RSRC1: variants seen among roughly 807,000 people sequenced by gnomAD.
RSRC1 encodes the protein arginine and serine rich coiled-coil 1.
RSRC1 carries 39 observed loss-of-function variants against 49.1 expected under a neutral mutation model. The observed-to-expected ratio is 0.79, with a 90% CI of 0.61 to 1.04. The LOEUF is 1.04. RSRC1 is among the 50% of genes least tolerant of loss of function. The pLI is 0.00. For synonymous variants in RSRC1, 143 were observed against 130.8 expected (o/e 1.09, Z -0.63); for missense variants, 388 against 402.4 (o/e 0.96, Z 0.31).
At chr3:158,444,896 T>G (rs985983330) in intron 6 of RSRC1, among the ~76,000 whole-genome samples, 1 of 151,962 alleles carries the variant, frequency 6.6e-6, no homozygotes, top group Admixed American at 6.6e-5. Flanking sequence ...AAAAGACACA[T>G]GAAAAAATGC....
intron 5 of RSRC1, among the ~76,000 whole-genome samples, chr3:158,345,375 A>G (rs1411514328): frequency 6.6e-6 from 1 of 152,204 alleles, no homozygotes; most frequent in Non-Finnish European, 1.5e-5. Context: ...ATCCAACTAC[A>G]TGCTGCTTAC....
chr3:158,225,275 T>C (rs1722466483), intron 4 of RSRC1, among the ~76,000 whole-genome samples: 1 of 151,912 alleles, frequency 6.6e-6, no homozygotes, highest in South Asian at 2.1e-4. Flanking sequence ...CGTAGTTGTC[T>C]AAGTAACTCT....
chr3:158,484,068 A>G (rs889405955), intron 7 of RSRC1, among the ~76,000 whole-genome samples: 3 of 152,096 alleles, frequency 2.0e-5, no homozygotes, highest in African/African-American at 4.8e-5. Context: ...TTGATTTTTC[A>G]TCATGGCAAA....
At chr3:158,419,304 C>CT (rs963106969) in intron 6 of RSRC1, among the ~76,000 whole-genome samples, 1 of 151,938 alleles carries the variant, frequency 6.6e-6, no homozygotes, top group Non-Finnish European at 1.5e-5. Flanking sequence ...CCTCAGGCAT[C>CT]TTTTTTTCTC....
chr3:158,129,835 TTTGA>T (rs756143677), intron 3 of RSRC1, among the ~76,000 whole-genome samples: 6 of 152,234 alleles, frequency 3.9e-5, no homozygotes, highest in East Asian at 3.8e-4. Context: ...TTGCTGGGAC[TTTGA>T]TTGGATGTTT....
chr3:158,542,508 C>G (rs1311267553), intron 8 of RSRC1, among the ~76,000 whole-genome samples: 1 of 152,238 alleles, frequency 6.6e-6, no homozygotes, highest in African/African-American at 2.4e-5. Flanking sequence ...GCACTCCCAC[C>G]TGGGTGACAG....
chr3:158,369,698 A>T (rs1560013777), intron 6 of RSRC1, among the ~76,000 whole-genome samples: 1 of 152,074 alleles, frequency 6.6e-6, no homozygotes, highest in African/African-American at 2.4e-5. Flanking sequence ...TGTAATGTTT[A>T]TTCAGTATTA....
intron 4 of RSRC1, among the ~76,000 whole-genome samples, chr3:158,207,662 T>TAGAC (rs145209495): frequency 2.1e-4 from 32 of 149,026 alleles, no homozygotes; most frequent in East Asian, 4.0e-4. Context: ...GATAGATAGA[T>TAGAC]AGACAGAGAG....
At chr3:158,295,861 C>T (rs939726227) in intron 4 of RSRC1, among the ~76,000 whole-genome samples, 3 of 152,042 alleles carry the variant, frequency 2.0e-5, no homozygotes, top group African/African-American at 7.2e-5. Context: ...AAGTGATTTT[C>T]CCTAAGATTG....
rs1729950934 is a variant in RSRC1, at chr3:158,337,141, GAGA to G, written c.532-17714_532-17712del. Among the ~76,000 whole-genome samples, 2 of 152,216 alleles carry G rather than the reference GAGA, an allele frequency of 1.3e-5. 1 individual carries two copies. Among genetic ancestry groups the G allele is most frequent in the South Asian group, 4.1e-4 (2 of 4,832 alleles). Reference sequence around the variant, plus strand: ...ATGAAGAACAGGTCCTCTGCCATGTGAGAAAGACCTGCAGGAAGTTGTAGGAGT... The same window carrying G: ...ATGAAGAACAGGTCCTCTGCCATGTGAAGACCTGCAGGAAGTTGTAGGAGT... On this transcript the variant is annotated intron_variant, in intron 5 of 9. Coordinates refer to ENST00000611884, the MANE Select transcript of RSRC1 (RefSeq NM_001271838.2).
chr3:158,517,946 T>C (rs1234166979), intron 7 of RSRC1, among the ~76,000 whole-genome samples: 1 of 149,736 alleles, frequency 6.7e-6, no homozygotes, highest in Non-Finnish European at 1.5e-5. Context: ...AATCCCAAAA[T>C]GTTATTAATT....
At chr3:158,343,732 G>A (rs754198053) in intron 5 of RSRC1, among the ~76,000 whole-genome samples, 3 of 152,084 alleles carry the variant, frequency 2.0e-5, no homozygotes, top group Non-Finnish European at 4.4e-5. Context: ...AAATGGATTA[G>A]TGAGCTCGAA....
intron 7 of RSRC1, among the ~76,000 whole-genome samples, chr3:158,468,295 A>C (rs981079247): frequency 2.6e-5 from 4 of 152,196 alleles, no homozygotes; most frequent in African/African-American, 7.2e-5. Flanking sequence ...AAATAACTCA[A>C]GTATTAAAGC....
At chr3:158,186,615 A>G (rs1465655398) in intron 3 of RSRC1, among the ~76,000 whole-genome samples, 3 of 151,976 alleles carry the variant, frequency 2.0e-5, no homozygotes, top group East Asian at 1.9e-4. Context: ...TGAGAAACAG[A>G]TTGGAAAGTA....
At chr3:158,131,291 C>T (rs149190830) in intron 3 of RSRC1, among the ~76,000 whole-genome samples, 1 of 151,886 alleles carries the variant, frequency 6.6e-6, no homozygotes, top group Non-Finnish European at 1.5e-5. Flanking sequence ...GTACCAATCA[C>T]TGCTGGTTTT....
At chr3:158,350,299 T>G (rs1008230722) in intron 5 of RSRC1, among the ~76,000 whole-genome samples, 1 of 151,806 alleles carries the variant, frequency 6.6e-6, no homozygotes, top group African/African-American at 2.4e-5. Flanking sequence ...CACCTCAGTC[T>G]CTCAAGTAGC....
chr3:158,198,810 C>T lies in RSRC1; in HGVS notation c.321-4262C>T, dbSNP rs532096066. Among the ~76,000 whole-genome samples the T allele has an allele frequency of 7.9e-5, 12 of 152,208 alleles. No homozygotes were observed. In the South Asian group the frequency reaches 2.3e-3, roughly 29 times the overall value. On this transcript the variant is annotated intron_variant, in intron 3 of 9. Coordinates refer to ENST00000611884, the MANE Select transcript of RSRC1 (RefSeq NM_001271838.2). The stretch of plus-strand genomic sequence containing the variant: ...CGTATTCGGCCATCTTGGCTCCACC[C>T]CCCGCAAGAAATTTCTTAATATCAC...
chr3:158,539,609 C>T lies in RSRC1; in HGVS notation c.759+2411C>T, dbSNP rs934294663. Reference sequence around the variant, plus strand: ...TAGTACTAATTTTTACAAACTAAACCACCAGGTGGCAGCGCTACTCAAAGC... The same window carrying T: ...TAGTACTAATTTTTACAAACTAAACTACCAGGTGGCAGCGCTACTCAAAGC... On this transcript the variant is annotated intron_variant, in intron 8 of 9. Coordinates refer to ENST00000611884, the MANE Select transcript of RSRC1 (RefSeq NM_001271838.2). This position sits in a 1 kb window ranked among gnomAD's most constrained non-coding sequence, Gnocchi z 4.1. Among the ~76,000 whole-genome samples the T allele has an allele frequency of 2.0e-5, 3 of 152,000 alleles. No individual in the cohort carries two copies. Among genetic ancestry groups the T allele is most frequent in the African/African-American group, 7.2e-5 (3 of 41,400 alleles).
intron 6 of RSRC1, among the ~76,000 whole-genome samples, chr3:158,422,454 T>G (rs1331928039): frequency 2.6e-5 from 4 of 151,572 alleles, no homozygotes; most frequent in Non-Finnish European, 5.9e-5. Flanking sequence ...ATGTGCCACA[T>G]TTTCTTAATC....
Sources: gnomAD v4.1 joint callset for allele counts (sites outside exome capture counted in the v4.1 genomes callset) on GRCh38, gnomAD v4.1.1 for gene constraint, Gnocchi (gnomAD v3.1) non-coding constraint, MANE v1.5 for transcripts, NCBI Gene and HGNC (gene_info 2026-07-23, HGNC 2026-07-21) for gene names.